SPMAP2L: variants seen among roughly 807,000 people sequenced by gnomAD.
The protein encoded by SPMAP2L is sperm microtubule associated protein 2 like, also known as sperm microtubule associated protein 2-like.
the SPMAP2L span, among the ~76,000 whole-genome samples, chr4:56,610,886 C>G: frequency 6.6e-6 from 1 of 152,078 alleles, no homozygotes; most frequent in Admixed American, 6.5e-5. Context: ...AAATCAAAAC[C>G]ACAATGCGAT....
the SPMAP2L span, among the ~76,000 whole-genome samples, chr4:56,602,596 G>A: frequency 1.3e-5 from 2 of 152,270 alleles, no homozygotes; most frequent in African/African-American, 2.4e-5. Flanking sequence ...TTGAGAGGCC[G>A]AGGTAGGAGA....
chr4:56,567,822 A>G, the SPMAP2L span, among the ~76,000 whole-genome samples: 2 of 151,880 alleles, frequency 1.3e-5, no homozygotes, highest in African/African-American at 4.8e-5. Context: ...CATATATCTT[A>G]ATGTTTTTTT....
the SPMAP2L span, among the ~76,000 whole-genome samples, chr4:56,624,869 C>T: frequency 2.6e-5 from 4 of 152,160 alleles, no homozygotes; most frequent in African/African-American, 9.7e-5. Flanking sequence ...GGGTCAGAGC[C>T]CCCACACAGA....
At chr4:56,582,151 T>C in the SPMAP2L span, among the ~76,000 whole-genome samples, 1 of 152,152 alleles carries the variant, frequency 6.6e-6, no homozygotes. Context: ...ATCTTAGCTA[T>C]GACCTTTTGT....
the SPMAP2L span, among the ~76,000 whole-genome samples, chr4:56,561,710 A>T: frequency 6.6e-6 from 1 of 151,848 alleles, no homozygotes; most frequent in African/African-American, 2.4e-5. Flanking sequence ...ACACCACCAT[A>T]CTGGAAATCA....
At chr4:56,605,287 G>A in the SPMAP2L span, among the ~76,000 whole-genome samples, 1 of 152,160 alleles carries the variant, frequency 6.6e-6, no homozygotes, top group East Asian at 1.9e-4. Context: ...CAGGCCCTGT[G>A]CTTGGCACTG....
At chr4:56,551,387 G>T in the SPMAP2L span, among the ~76,000 whole-genome samples, 1 of 152,176 alleles carries the variant, frequency 6.6e-6, no homozygotes, top group Non-Finnish European at 1.5e-5. Flanking sequence ...CCTGTCTACA[G>T]TGATCTGTAA....
the SPMAP2L span, among the ~76,000 whole-genome samples, chr4:56,599,028 T>C: frequency 6.6e-6 from 1 of 152,110 alleles, no homozygotes; most frequent in Non-Finnish European, 1.5e-5. Context: ...TCCGCCATGA[T>C]GGTGAGGCCT....
chr4:56,595,460 A>G, the SPMAP2L span: 2 of 1,603,366 alleles, frequency 1.2e-6, no homozygotes, highest in Non-Finnish European at 1.7e-6. Flanking sequence ...GACATTGAGG[A>G]GGGCCGCATC....
the SPMAP2L span, among the ~76,000 whole-genome samples, chr4:56,569,316 G>A: frequency 6.6e-6 from 1 of 152,122 alleles, no homozygotes; most frequent in Non-Finnish European, 1.5e-5. Context: ...ACCAACACTT[G>A]TTATTATCAT....
chr4:56,533,939 A>G, the SPMAP2L span, among the ~76,000 whole-genome samples: 1 of 152,082 alleles, frequency 6.6e-6, no homozygotes, highest in Non-Finnish European at 1.5e-5. Flanking sequence ...GCAGCAGAAC[A>G]AGACTCTGTC....
the SPMAP2L span, among the ~76,000 whole-genome samples, chr4:56,585,441 G>C: frequency 6.6e-6 from 1 of 152,136 alleles, no homozygotes; most frequent in African/African-American, 2.4e-5. Context: ...TGACCTCCCA[G>C]GCTCAAATGA....
At chr4:56,592,911 C>T in the SPMAP2L span, 25 of 1,607,148 alleles carry the variant, frequency 1.6e-5, no homozygotes, top group Middle Eastern at 3.3e-4. Context: ...TTGGGGCTGG[C>T]GAGCATTGAT....
the SPMAP2L span, among the ~76,000 whole-genome samples, chr4:56,590,349 GAAACCTAGGT>G: frequency 1.3e-5 from 2 of 152,184 alleles, no homozygotes; most frequent in Non-Finnish European, 2.9e-5. Context: ...TCCCTGGTGT[GAAACCTAGGT>G]ATTAAGTTCA....
At chr4:56,556,552 G>T in the SPMAP2L span, among the ~76,000 whole-genome samples, 2 of 152,154 alleles carry the variant, frequency 1.3e-5, no homozygotes, top group Non-Finnish European at 2.9e-5. Flanking sequence ...AGACTCATTT[G>T]GGATTTGCCA....
At chr4:56,531,030 C>G in the SPMAP2L span, 289,156 of 1,535,192 alleles carry the variant, frequency 0.19, 29,678 homozygotes, top group Admixed American at 0.34. Context: ...CCCGTGAACC[C>G]CGCCAGCTCC....
At chr4:56,547,692 G>A in the SPMAP2L span, among the ~76,000 whole-genome samples, 4 of 152,156 alleles carry the variant, frequency 2.6e-5, no homozygotes, top group East Asian at 7.7e-4. Context: ...ATGCTGTAGC[G>A]CACCCACTTT....
the SPMAP2L span, among the ~76,000 whole-genome samples, chr4:56,613,290 T>C: frequency 3.9e-5 from 6 of 152,190 alleles, no homozygotes; most frequent in Non-Finnish European, 8.8e-5. Flanking sequence ...TGCGTCTGCC[T>C]GCCTGCCTAC....
the SPMAP2L span, among the ~76,000 whole-genome samples, chr4:56,570,356 C>A: frequency 6.6e-6 from 1 of 152,156 alleles, no homozygotes; most frequent in South Asian, 2.1e-4. Flanking sequence ...AGTTGTTGTA[C>A]AAACATCATA....
Sources: gnomAD v4.1 joint callset for allele counts (sites outside exome capture counted in the v4.1 genomes callset) on GRCh38, gnomAD v4.1.1 for gene constraint, MANE v1.5 for transcripts, NCBI Gene and HGNC (gene_info 2026-07-23, HGNC 2026-07-21) for gene names.